Variants in HTR2A observed in about 807,000 individuals in gnomAD.
HTR2A encodes the protein 5-hydroxytryptamine receptor 2A.
HTR2A carries 14 observed loss-of-function variants against 31.0 expected under a neutral mutation model. The observed-to-expected ratio is 0.45, with a 90% CI of 0.30 to 0.71. The LOEUF (loss-of-function observed/expected upper bound fraction) is 0.71, where lower values mean the gene tolerates loss of function less well. Among genes scored for constraint, HTR2A ranks in the 30% least tolerant of loss-of-function variants. The probability of loss-of-function intolerance (pLI) is 0.09; values close to 1 mark genes in which losing one functional copy is unlikely to be tolerated. For synonymous variants in HTR2A, 209 were observed against 225.2 expected (o/e 0.93, Z 0.64); for missense variants, 442 against 573.3 (o/e 0.77, Z 2.34).
intron 3 of HTR2A, among the ~76,000 whole-genome samples, chr13:46,871,839 G>A (rs2138227684): frequency 6.6e-6 from 1 of 152,318 alleles, no homozygotes; most frequent in South Asian, 2.1e-4. Flanking sequence ...ACAATTTTAG[G>A]TGTTGAAACC....
chr13:46,845,584 T>C (rs973992489), intron 3 of HTR2A, among the ~76,000 whole-genome samples: 2 of 149,246 alleles, frequency 1.3e-5, no homozygotes, highest in Middle Eastern at 3.5e-3. Flanking sequence ...GGTGGTTGAG[T>C]CTATAATCAG....
intron 3 of HTR2A, among the ~76,000 whole-genome samples, chr13:46,886,057 T>G (rs1951003962): frequency 6.6e-6 from 1 of 152,246 alleles, no homozygotes; most frequent in African/African-American, 2.4e-5. Flanking sequence ...CGTATCAAAC[T>G]TATATAACTG....
chr13:46,851,937 C>A (rs966642525), intron 3 of HTR2A, among the ~76,000 whole-genome samples: 3 of 152,148 alleles, frequency 2.0e-5, no homozygotes, highest in African/African-American at 7.2e-5. Context: ...AATTAGAGTG[C>A]CCTGGATTAT....
intron 3 of HTR2A, among the ~76,000 whole-genome samples, chr13:46,856,633 C>T (rs921367305): frequency 1.3e-5 from 2 of 151,988 alleles, no homozygotes; most frequent in Non-Finnish European, 2.9e-5. Context: ...GCTGAATGGG[C>T]CATTTGTATC....
intron 3 of HTR2A, among the ~76,000 whole-genome samples, chr13:46,851,104 C>T (rs945085573): frequency 6.6e-6 from 1 of 152,168 alleles, no homozygotes; most frequent in East Asian, 1.9e-4. Flanking sequence ...TACTCTGCAA[C>T]ACAAAAAAGA....
chr13:46,869,077 T>C (rs914653149), intron 3 of HTR2A, among the ~76,000 whole-genome samples: 3 of 151,876 alleles, frequency 2.0e-5, no homozygotes, highest in Admixed American at 6.6e-5. Flanking sequence ...AACAGAAAAA[T>C]AGATAAACCG....
At chr13:46,847,339 G>T (rs952060060) in intron 3 of HTR2A, among the ~76,000 whole-genome samples, 3 of 152,034 alleles carry the variant, frequency 2.0e-5, no homozygotes, top group Non-Finnish European at 4.4e-5. Flanking sequence ...ATAAGTTCAA[G>T]TGTTTAACAG....
Position 46,896,894 on chromosome 13 carries a change from G to A in HTR2A, c.-549C>T, listed in dbSNP as rs36212792. ...CTGTTGGCTTCCTCTGGCACGGCTC[G>A]GCTGGGTTCCTCCCTCCCTGTGCGG... is the stretch of plus-strand genomic sequence containing the variant. On this transcript the variant is annotated 5_prime_UTR_variant, in exon 1 of 4. The change creates a premature stop within an existing upstream ORF in the 5' untranslated region. Transcript: ENST00000542664. 7 of 1,446,282 alleles carry A rather than the reference G, an allele frequency of 4.8e-6. No homozygotes were observed. Among genetic ancestry groups the A allele is most frequent in the Middle Eastern group, 1.7e-4 (1 of 5,790 alleles). 89.6% of individuals were successfully genotyped at this position (1,446,282 alleles called of 1,614,324 possible). A position where few individuals can be genotyped will look rare whatever the true frequency, so the allele number is the denominator to read the frequency against.
chr13:46,852,333 G>C (rs974665255), intron 3 of HTR2A: 9 of 152,358 alleles, frequency 5.9e-5, no homozygotes, highest in Non-Finnish European at 2.9e-5. Flanking sequence ...GCCGGGACTC[G>C]CTCTGGCGCT....
chr13:46,890,134 G>A (rs542795746), intron 3 of HTR2A, among the ~76,000 whole-genome samples: 3 of 152,272 alleles, frequency 2.0e-5, no homozygotes, highest in Non-Finnish European at 2.9e-5. Context: ...ACCTGAGGTC[G>A]GGAGTTCGAG....
In HTR2A at chr13:46,842,791, G is replaced by C. The variant is rs374032489; in HGVS notation, c.614-7152C>G. The stretch of plus-strand genomic sequence containing the variant: ...GCAAGATTTTTCAACCAGTCACAGA[G>C]TGTGATTTAAGGAGCCCCCAAGTCC... On this transcript the variant is annotated intron_variant, in intron 3 of 3. Coordinates refer to ENST00000542664, the MANE Select transcript of HTR2A (RefSeq NM_000621.5). Among the ~76,000 whole-genome samples, 5 of 152,274 alleles carry C rather than the reference G, an allele frequency of 3.3e-5. No homozygotes were observed. In the East Asian group the frequency reaches 9.6e-4, roughly 29 times the overall value.
chr13:46,871,821 G>A (rs935059910), intron 3 of HTR2A, among the ~76,000 whole-genome samples: 1 of 152,184 alleles, frequency 6.6e-6, no homozygotes, highest in Non-Finnish European at 1.5e-5. Flanking sequence ...TTGTTCAGAG[G>A]CTTGCTGACA....
intron 3 of HTR2A, among the ~76,000 whole-genome samples, chr13:46,857,621 G>C (rs192648500): frequency 6.6e-6 from 1 of 152,294 alleles, no homozygotes; most frequent in African/African-American, 2.4e-5. Flanking sequence ...TAAGTAGGGA[G>C]GGGCATTTGA....
chr13:46,834,411 A>G lies in HTR2A; in HGVS notation c.*426T>C, dbSNP rs529560726. 1 of 157,724 alleles carries G rather than the reference A, an allele frequency of 6.3e-6. No homozygotes were observed. Among genetic ancestry groups the G allele is most frequent in the South Asian group, 1.9e-4 (1 of 5,196 alleles). The allele number at this position is 157,724 out of a possible 1,614,324, so 9.8% of individuals were successfully genotyped here. ...TAAAGATAATTTTTAAGAGGCCATT[A>G]TATTCAATAAAATTTTCACTATTTA... On this transcript the variant is annotated 3_prime_UTR_variant, in exon 4 of 4. Transcript: ENST00000542664.
At chr13:46,881,565 G>A (rs141607124) in intron 3 of HTR2A, among the ~76,000 whole-genome samples, 59 of 152,304 alleles carry the variant, frequency 3.9e-4, no homozygotes, top group Admixed American at 1.3e-3. Context: ...GAAACCAAAG[G>A]AGACTTGGAC....
intron 2 of HTR2A, among the ~76,000 whole-genome samples, chr13:46,894,489 T>C (rs1303441313): frequency 6.6e-6 from 1 of 152,254 alleles, no homozygotes; most frequent in Non-Finnish European, 1.5e-5. Context: ...ACTAGCTTTG[T>C]GCAAACTGGC....
At chr13:46,848,124 T>C (rs1950657428) in intron 3 of HTR2A, among the ~76,000 whole-genome samples, 1 of 152,214 alleles carries the variant, frequency 6.6e-6, no homozygotes, top group African/African-American at 2.4e-5. Flanking sequence ...CTCTACTCTC[T>C]GAGATTTCAT....
At chr13:46,845,322 G>A (rs1346020923) in intron 3 of HTR2A, among the ~76,000 whole-genome samples, 1 of 152,042 alleles carries the variant, frequency 6.6e-6, no homozygotes, top group East Asian at 1.9e-4. Context: ...ATCTGGACAG[G>A]GATGAGGCAA....
intron 3 of HTR2A, among the ~76,000 whole-genome samples, chr13:46,858,138 G>A (rs372676276): frequency 2.0e-5 from 3 of 152,308 alleles, no homozygotes; most frequent in East Asian, 3.9e-4. Flanking sequence ...GCTTTGTAGA[G>A]TGGTACCTCT....
Sources: gnomAD v4.1 joint callset for allele counts (sites outside exome capture counted in the v4.1 genomes callset) on GRCh38, gnomAD v4.1.1 for gene constraint, MANE v1.5 for transcripts, NCBI Gene and HGNC (gene_info 2026-07-23, HGNC 2026-07-21) for gene names.